DLC1: variants seen among roughly 807,000 people sequenced by gnomAD.
The protein encoded by DLC1 is rho GTPase-activating protein 7.
Under a neutral mutation model 140.3 loss-of-function variants are expected in DLC1, and 54 were observed. That is an observed-to-expected ratio of 0.38 (90% CI 0.31 to 0.48). DLC1 has a LOEUF of 0.48. Among genes scored for constraint, DLC1 ranks in the 20% least tolerant of loss-of-function variants. DLC1 has a pLI of 0.96. For synonymous variants in DLC1, 986 were observed against 728.1 expected, an observed-to-expected ratio of 1.35 and a Z score of -5.70; for missense variants, 2,536 against 1,907.0, an observed-to-expected ratio of 1.33 and a Z score of -6.14.
At chr8:13,563,936 G>A (rs1453152976) in intron 1 of DLC1, among the ~76,000 whole-genome samples, 1 of 152,008 alleles carries the variant, frequency 6.6e-6, no homozygotes, top group Non-Finnish European at 1.5e-5. Flanking sequence ...CCAAAATTCA[G>A]TATAATCTAG....
intron 5 of DLC1, among the ~76,000 whole-genome samples, chr8:13,152,556 G>A (rs551336370): frequency 1.3e-5 from 2 of 152,158 alleles, no homozygotes; most frequent in Non-Finnish European, 2.9e-5. Flanking sequence ...TCAAATATAA[G>A]TTTTTAAAAA....
intron 5 of DLC1, among the ~76,000 whole-genome samples, chr8:13,120,356 A>AAAAAAATATATATATAT: frequency 8.2e-5 from 5 of 61,138 alleles, no homozygotes; most frequent in East Asian, 1.4e-3. Context: ...AAAAAAAAAA[A>AAAAAAATATATATATAT]ATATATATAT....
intron 2 of DLC1, among the ~76,000 whole-genome samples, chr8:13,487,818 G>A (rs559008115): frequency 2.6e-5 from 4 of 152,170 alleles, no homozygotes; most frequent in Non-Finnish European, 4.4e-5. Context: ...TGATCCACCC[G>A]CCTCAGCCTC....
intron 1 of DLC1, among the ~76,000 whole-genome samples, chr8:13,536,796 G>A (rs1803301101): frequency 6.6e-6 from 1 of 152,132 alleles, no homozygotes; most frequent in African/African-American, 2.4e-5. Flanking sequence ...AATAACACAT[G>A]TATTTAGAGA....
intron 1 of DLC1, among the ~76,000 whole-genome samples, chr8:13,578,492 C>G (rs1804925974): frequency 6.6e-6 from 1 of 152,068 alleles, no homozygotes; most frequent in Non-Finnish European, 1.5e-5. Context: ...AAGTCAGATC[C>G]CACAGGTTAA....
In DLC1 at chr8:13,100,379, A is replaced by G. The variant is rs1818949297; in HGVS notation, c.1958T>C (p.Met653Thr). ...PKELSSFSFSMKGHEKTAKSK... is the reference protein window; with the variant it reads ...PKELSSFSFSTKGHEKTAKSK... ...CTTGGCAGTTTTTTCGTGGCCTTTC[A>G]TGCTGAAGCTGAAGCTGGACAGTTC... Residue 653 changes from methionine (M) to threonine (T), a missense_variant, in exon 9 of 18, where the codon ATG becomes ACG. By Grantham distance (81) the Met-to-Thr change is moderately conservative. Transcript: ENST00000276297. 6 of 1,614,042 alleles carry G rather than the reference A, an allele frequency of 3.7e-6. No homozygotes were observed. The highest frequency in any genetic ancestry group is 1.7e-5 in the Admixed American group (1 of 60,010).
At chr8:13,199,128 T>G (rs191840076) in intron 5 of DLC1, among the ~76,000 whole-genome samples, 3 of 151,564 alleles carry the variant, frequency 2.0e-5, no homozygotes, top group Admixed American at 2.0e-4. Flanking sequence ...TCTCCAAACA[T>G]GCTTTTAAAA....
chr8:13,286,496 T>C (rs1831539921), intron 5 of DLC1, among the ~76,000 whole-genome samples: 1 of 152,170 alleles, frequency 6.6e-6, no homozygotes, highest in Non-Finnish European at 1.5e-5. Context: ...TATAAAAGTA[T>C]AAAAACATGT....
chr8:13,547,071 C>G (rs1803677062), intron 1 of DLC1, among the ~76,000 whole-genome samples: 1 of 151,914 alleles, frequency 6.6e-6, no homozygotes, highest in Non-Finnish European at 1.5e-5. Flanking sequence ...CATGCGACTG[C>G]TTGATTTAAA....
chr8:13,459,182 C>A (rs116062078), intron 2 of DLC1, among the ~76,000 whole-genome samples: 1 of 152,062 alleles, frequency 6.6e-6, no homozygotes, highest in East Asian at 1.9e-4. Flanking sequence ...TTGAAAGTTC[C>A]TTTTTTTCTT....
At chr8:13,498,759 T>A (rs1312468999) in intron 2 of DLC1, 2 of 279,190 alleles carry the variant, frequency 7.2e-6, no homozygotes, top group Non-Finnish European at 1.3e-5. Context: ...ATCTAGTGGC[T>A]ATTTAATTCC....
chr8:13,582,497 G>T (rs940479782), intron 1 of DLC1, among the ~76,000 whole-genome samples: 1 of 152,046 alleles, frequency 6.6e-6, no homozygotes, highest in Non-Finnish European at 1.5e-5. Flanking sequence ...GCAGAAAAAT[G>T]TGAAAAGGTT....
At chr8:13,094,178 C>T (rs1340783964) in intron 12 of DLC1, among the ~76,000 whole-genome samples, 1 of 152,178 alleles carries the variant, frequency 6.6e-6, no homozygotes, top group Admixed American at 6.5e-5. Context: ...TAACACTGTT[C>T]TAGAAACTAA....
chr8:13,603,859 G>C (rs934030051), intron 1 of DLC1, among the ~76,000 whole-genome samples: 1 of 152,038 alleles, frequency 6.6e-6, no homozygotes, highest in Non-Finnish European at 1.5e-5. Context: ...AAGCGGCTCT[G>C]AATTTTTAAA....
chr8:13,535,988 T>A (rs1345253636), intron 1 of DLC1: 1 of 152,146 alleles, frequency 6.6e-6, no homozygotes, highest in East Asian at 1.9e-4. Context: ...TATTGGATGT[T>A]GTACAGAGGT....
At chr8:13,231,601 T>C (rs777484063) in intron 5 of DLC1, among the ~76,000 whole-genome samples, 3 of 152,264 alleles carry the variant, frequency 2.0e-5, no homozygotes, top group Non-Finnish European at 2.9e-5. Context: ...TCTACAATTC[T>C]ACATATTCTT....
chr8:13,247,692 C>A (rs1326375528), intron 5 of DLC1, among the ~76,000 whole-genome samples: 3 of 152,164 alleles, frequency 2.0e-5, no homozygotes, highest in African/African-American at 4.8e-5. Flanking sequence ...TGCCCTAACA[C>A]CATGCAAATG....
intron 4 of DLC1, among the ~76,000 whole-genome samples, chr8:13,386,999 T>C (rs1169330532): frequency 6.6e-6 from 1 of 152,112 alleles, no homozygotes; most frequent in Non-Finnish European, 1.5e-5. Context: ...GACATTCTTT[T>C]CTAAGACTAT....
chr8:13,592,752 G>A (rs144525573), intron 1 of DLC1, among the ~76,000 whole-genome samples: 1 of 152,120 alleles, frequency 6.6e-6, no homozygotes, highest in Non-Finnish European at 1.5e-5. Context: ...TACTGCCCAA[G>A]CCAACAGTTT....
Sources: allele counts gnomAD v4.1 joint callset (sites outside exome capture counted in the v4.1 genomes callset), GRCh38; gene constraint gnomAD v4.1.1; transcripts MANE v1.5; gene names NCBI Gene and HGNC (gene_info 2026-07-23, HGNC 2026-07-21).